ME3: variants seen among roughly 807,000 people sequenced by gnomAD.
ME3 encodes malic enzyme 3, also known as NADP-dependent malic enzyme, mitochondrial.
In ME3, 48 loss-of-function variants were observed where a neutral mutation model predicts 68.9. The observed-to-expected ratio is 0.70, with a 90% CI of 0.55 to 0.89. The LOEUF (loss-of-function observed/expected upper bound fraction) is 0.89, where lower values mean the gene tolerates loss of function less well. ME3 is among the 40% of genes least tolerant of loss of function. The pLI is 0.00. For synonymous variants in ME3, 320 were observed against 318.8 expected (o/e 1.00, Z -0.04); for missense variants, 675 against 797.4 (o/e 0.85, Z 1.85).
intron 5 of ME3, among the ~76,000 whole-genome samples, chr11:86,503,097 C>T (rs191834634): frequency 3.3e-5 from 5 of 152,254 alleles, no homozygotes; most frequent in African/African-American, 4.8e-5. Flanking sequence ...AAATAATGCA[C>T]ACTTCTTAGT....
intron 4 of ME3, among the ~76,000 whole-genome samples, chr11:86,535,899 C>T (rs1201532169): frequency 2.0e-5 from 3 of 152,196 alleles, no homozygotes; most frequent in Non-Finnish European, 4.4e-5. Flanking sequence ...TTCCATCCAT[C>T]CTTCCTTCCA....
At chr11:86,481,931 C>A (rs1486318766) in intron 7 of ME3, among the ~76,000 whole-genome samples, 1 of 152,166 alleles carries the variant, frequency 6.6e-6, no homozygotes, top group Non-Finnish European at 1.5e-5. Context: ...CTGTTGAACC[C>A]AGAGAGGTTC....
intron 11 of ME3, among the ~76,000 whole-genome samples, chr11:86,447,731 A>T (rs1041365023): frequency 4.0e-5 from 6 of 151,820 alleles, no homozygotes; most frequent in Admixed American, 3.9e-4. Flanking sequence ...GGTGGCGGGC[A>T]CCTATAATGC....
exon 13 of ME3, chr11:86,446,451 T>C (rs1208788788): frequency 1.2e-6 from 2 of 1,614,048 alleles, no homozygotes; most frequent in African/African-American, 2.7e-5. Flanking sequence ...AGAGTCACAC[T>C]CTTAAAAGGA....
intron 7 of ME3, among the ~76,000 whole-genome samples, chr11:86,471,125 A>T (rs1950757705): frequency 7.1e-6 from 1 of 141,724 alleles, no homozygotes; most frequent in Non-Finnish European, 1.5e-5. Context: ...CCCTACTTAA[A>T]CTGTAAGGCC....
chr11:86,569,340 C>T (rs1275346177), intron 2 of ME3, among the ~76,000 whole-genome samples: 2 of 152,164 alleles, frequency 1.3e-5, no homozygotes, highest in Non-Finnish European at 1.5e-5. Context: ...CTGGCTGTTG[C>T]GCTTTGACTC....
intron 4 of ME3, among the ~76,000 whole-genome samples, chr11:86,517,709 T>C (rs1234000853): frequency 1.3e-5 from 2 of 152,180 alleles, no homozygotes; most frequent in Non-Finnish European, 2.9e-5. Flanking sequence ...GAGGTAGTAA[T>C]TGATATTTAG....
intron 6 of ME3, among the ~76,000 whole-genome samples, chr11:86,492,276 T>C (rs1952053017): frequency 6.6e-6 from 1 of 152,242 alleles, no homozygotes; most frequent in Non-Finnish European, 1.5e-5. Context: ...CATAAGCCCT[T>C]GAGAAGCATT....
At chr11:86,549,697 A>T (rs994040037) in intron 4 of ME3, among the ~76,000 whole-genome samples, 1 of 152,320 alleles carries the variant, frequency 6.6e-6, no homozygotes, top group African/African-American at 2.4e-5. Context: ...GGGTAATTAC[A>T]TGAGGGAGTC....
intron 4 of ME3, among the ~76,000 whole-genome samples, chr11:86,523,824 A>C (rs1446488488): frequency 6.6e-6 from 1 of 152,136 alleles, no homozygotes; most frequent in Admixed American, 6.6e-5. Context: ...AATAGAAGGA[A>C]ATTTCAGCTG....
At chr11:86,508,738 G>T in intron 5 of ME3, 54 bp downstream of exon 5, 1 of 1,504,946 alleles carries the variant, frequency 6.6e-7, no homozygotes, top group South Asian at 1.1e-5. Flanking sequence ...CTCTGGTTTA[G>T]GCTGAAATGA....
intron 2 of ME3, among the ~76,000 whole-genome samples, chr11:86,563,944 C>T (rs1319249598): frequency 6.6e-6 from 1 of 152,060 alleles, no homozygotes; most frequent in Non-Finnish European, 1.5e-5. Flanking sequence ...TTTTTTGCTT[C>T]CACATGGATT....
intron 4 of ME3, among the ~76,000 whole-genome samples, chr11:86,516,223 C>T (rs1372643553): frequency 6.6e-6 from 1 of 152,136 alleles, no homozygotes; most frequent in Admixed American, 6.5e-5. Flanking sequence ...AATTTTGGAA[C>T]TTGAGGGATG....
intron 2 of ME3, among the ~76,000 whole-genome samples, chr11:86,668,585 G>A (rs1207685888): frequency 1.3e-5 from 2 of 152,158 alleles, no homozygotes; most frequent in East Asian, 1.9e-4. Flanking sequence ...GATCCTCAAA[G>A]CAGTAGTGTA....
chr11:86,508,466 AGAAGAG>A (rs1953248027), intron 5 of ME3, among the ~76,000 whole-genome samples: 1 of 152,164 alleles, frequency 6.6e-6, no homozygotes, highest in African/African-American at 2.4e-5. Context: ...CAGCTACTCG[AGAAGAG>A]GGTCTATGCC....
At chr11:86,498,953 A>G (rs1952543065) in intron 5 of ME3, among the ~76,000 whole-genome samples, 1 of 152,196 alleles carries the variant, frequency 6.6e-6, no homozygotes, top group South Asian at 2.1e-4. Context: ...CACAGCCCTT[A>G]AAGGATTAAT....
Position 86,453,000 on chromosome 11 carries a change from G to GT in ME3, c.920-2603dup, listed in dbSNP as rs781305342. Among the ~76,000 whole-genome samples, 149 of 149,888 alleles carry GT rather than the reference G, an allele frequency of 9.9e-4. 1 individual carries two copies. The highest frequency in any genetic ancestry group is 9.0e-3 in the East Asian group (46 of 5,138). On this transcript the variant is annotated intron_variant, in intron 8 of 14. Coordinates refer to ENST00000543262, the Ensembl canonical transcript of ME3. ...TGTTAGAGGTTTTGTTTTTGTTTTT[G>GT]TTTTTGTTTTTAATTTCAGACAGAA...
chr11:86,511,767 G>A (rs535843343), intron 4 of ME3, among the ~76,000 whole-genome samples: 20 of 152,084 alleles, frequency 1.3e-4, no homozygotes, highest in Non-Finnish European at 1.0e-4. Context: ...GAGGTCACAA[G>A]ATTTTTGACT....
intron 8 of ME3, among the ~76,000 whole-genome samples, chr11:86,451,282 G>T (rs1264118066): frequency 2.0e-5 from 3 of 152,204 alleles, no homozygotes; most frequent in Non-Finnish European, 4.4e-5. Flanking sequence ...AGGAGGTCTG[G>T]GGAAAAGGTA....
Sources: allele counts gnomAD v4.1 joint callset (sites outside exome capture counted in the v4.1 genomes callset), GRCh38; gene constraint gnomAD v4.1.1; transcripts MANE v1.5; gene names NCBI Gene and HGNC (gene_info 2026-07-23, HGNC 2026-07-21).